Variants in CLYBL observed in about 807,000 individuals in gnomAD.
CLYBL encodes the protein citramalyl-CoA lyase.
In CLYBL, 31 loss-of-function variants were observed where a neutral mutation model predicts 38.9. The observed-to-expected ratio is 0.80, with a 90% confidence interval of 0.60 to 1.08. The LOEUF (loss-of-function observed/expected upper bound fraction) is 1.08. CLYBL is among the 50% of genes least tolerant of loss of function. The pLI, the probability that CLYBL is intolerant of heterozygous loss-of-function variation, is 0.00. For missense variants in CLYBL, 434 were observed against 411.6 expected (o/e 1.05, Z -0.47); for synonymous variants, 171 against 158.6 (o/e 1.08, Z -0.59).
At chr13:99,892,247 C>A (rs1373803666) in intron 8 of CLYBL, 196 bp from the exon 9 acceptor site, 1 of 152,198 alleles carries the variant, frequency 6.6e-6, no homozygotes, top group African/African-American at 2.4e-5. Flanking sequence ...TCAGAAGACA[C>A]AATGCACCCG....
chr13:99,866,210 C>A (rs773986870), intron 5 of CLYBL, 30 bp from the exon 6 acceptor site: 7 of 1,608,286 alleles, frequency 4.4e-6, no homozygotes, highest in Non-Finnish European at 5.9e-6. Context: ...AAGTTAAAGC[C>A]TCCTTTTTCT....
At position 99,779,832 on chromosome 13, in the gene CLYBL, G is replaced by T. The variant is rs574770559; in HGVS notation, c.249+6822G>T. ...TTGCTGAGCTCTAGCGTAGTGACAT[G>T]GTGGGTGGTTAGAGAAATGTGATGT... On this transcript the variant is annotated intron_variant, in intron 2 of 8. Coordinates refer to ENST00000339105, the MANE Select transcript of CLYBL (RefSeq NM_206808.5). Among the ~76,000 whole-genome samples, 3 of 152,232 alleles carry T rather than the reference G, an allele frequency of 2.0e-5. 1 individual carries two copies. In the South Asian group the frequency reaches 6.2e-4, roughly 32 times the overall value.
At chr13:99,757,396 C>G (rs1255964912) in intron 1 of CLYBL, among the ~76,000 whole-genome samples, 1 of 152,174 alleles carries the variant, frequency 6.6e-6, no homozygotes, top group Admixed American at 6.6e-5. Flanking sequence ...TTCGCTAGTG[C>G]AGCTGCCCTC....
intron 1 of CLYBL, among the ~76,000 whole-genome samples, chr13:99,695,910 T>C (rs990774134): frequency 1.3e-5 from 2 of 152,204 alleles, no homozygotes; most frequent in African/African-American, 4.8e-5. Context: ...ACCTTCCTAC[T>C]TCTGCAGTTT....
intron 1 of CLYBL, among the ~76,000 whole-genome samples, chr13:99,737,671 CT>C (rs2048689632): frequency 6.6e-6 from 1 of 152,180 alleles, no homozygotes. Context: ...ATGCTTTCCC[CT>C]CCTGAGCTCA....
chr13:99,700,849 C>G (rs1256293361), intron 1 of CLYBL, among the ~76,000 whole-genome samples: 2 of 152,218 alleles, frequency 1.3e-5, no homozygotes, highest in African/African-American at 4.8e-5. Flanking sequence ...TATATGCTGT[C>G]TCTCTGAACA....
At chr13:99,846,286 A>ATTTTTTT (rs5806139) in intron 2 of CLYBL, among the ~76,000 whole-genome samples, 2 of 108,148 alleles carry the variant, frequency 1.8e-5, no homozygotes, top group Non-Finnish European at 3.7e-5. Flanking sequence ...TTGTGTGGAG[A>ATTTTTTT]TTTTTTTTTT....
rs538659442 is a variant in CLYBL, at chr13:99,693,252, CCTT to C, written c.63-79567_63-79565del. Among the ~76,000 whole-genome samples, 321 of 152,212 alleles carry C rather than the reference CCTT, an allele frequency of 2.1e-3. 2 individuals carry two copies. The highest frequency in any genetic ancestry group is 7.2e-3 in the African/African-American group (297 of 41,530). On this transcript the variant is annotated intron_variant, in intron 1 of 8. Coordinates refer to ENST00000339105, the MANE Select transcript of CLYBL (RefSeq NM_206808.5). The stretch of plus-strand genomic sequence containing the variant: ...TTAAGTTTCTTGAGACAGGGATTAT[CCTT>C]CTTCATCTTTGTATCCCCCACAGTC...
intron 2 of CLYBL, among the ~76,000 whole-genome samples, chr13:99,817,674 GA>G (rs1372175434): frequency 3.2e-5 from 4 of 126,638 alleles, no homozygotes; most frequent in East Asian, 2.3e-4. Flanking sequence ...AAAAAAAAAA[GA>G]AAAGAAAAAA....
intron 1 of CLYBL, among the ~76,000 whole-genome samples, chr13:99,719,841 T>G (rs2048369816): frequency 1.3e-5 from 2 of 152,150 alleles, no homozygotes; most frequent in African/African-American, 4.8e-5. Context: ...CACCTTTTTA[T>G]TTTTTACTTT....
chr13:99,650,854 G>A (rs1381459824), intron 1 of CLYBL, among the ~76,000 whole-genome samples: 4 of 152,128 alleles, frequency 2.6e-5, no homozygotes, highest in Admixed American at 6.5e-5. Flanking sequence ...TCTCAACACT[G>A]AGGAATGAAG....
At position 99,637,962 on chromosome 13, in the gene CLYBL, C is replaced by CTTTTTTTTTTTTTTTT. The variant is rs34513643; in HGVS notation, c.62+31209_62+31224dup. Among the ~76,000 whole-genome samples, 7 of 95,002 alleles carry CTTTTTTTTTTTTTTTT rather than the reference C, an allele frequency of 7.4e-5. 1 individual carries two copies. Among genetic ancestry groups the CTTTTTTTTTTTTTTTT allele is most frequent in the East Asian group, 4.2e-4 (1 of 2,358 alleles). The allele number at this position is 95,002 out of a possible 152,430, so 62.3% of individuals were successfully genotyped here. A position where few individuals can be genotyped will look rare whatever the true frequency, so the allele number is the denominator to read the frequency against. ...ATCTAGTTATCCAAGTCAACAGTGC[C>CTTTTTTTTTTTTTTTT]TTTTTTTTTTTTTTTTTTTGAGACA... is the stretch of plus-strand genomic sequence containing the variant. On this transcript the variant is annotated intron_variant, in intron 1 of 8. Transcript: ENST00000339105.
At chr13:99,642,104 A>C (rs1401823745) in intron 1 of CLYBL, among the ~76,000 whole-genome samples, 1 of 152,216 alleles carries the variant, frequency 6.6e-6, no homozygotes, top group African/African-American at 2.4e-5. Flanking sequence ...AGACACAAGG[A>C]AAGAGGAATC....
At chr13:99,825,165 C>T (rs146845899) in intron 2 of CLYBL, among the ~76,000 whole-genome samples, 27 of 152,298 alleles carry the variant, frequency 1.8e-4, no homozygotes, top group Middle Eastern at 3.4e-3. Flanking sequence ...AGAGGCTGAG[C>T]TGCCCACTTA....
intron 7 of CLYBL, among the ~76,000 whole-genome samples, chr13:99,873,653 GGTATA>G (rs2051965264): frequency 7.0e-6 from 1 of 142,570 alleles, no homozygotes; most frequent in South Asian, 2.5e-4. Context: ...CAAACATAAA[GGTATA>G]GCTGAAGTTC....
intron 1 of CLYBL, among the ~76,000 whole-genome samples, chr13:99,735,495 AT>A (rs796468890): frequency 0.021 from 3,064 of 143,752 alleles, 89 homozygotes; most frequent in African/African-American, 0.067. Flanking sequence ...CACACCCAGC[AT>A]TTTTTTTTTT....
At chr13:99,650,427 A>T (rs983473960) in intron 1 of CLYBL, among the ~76,000 whole-genome samples, 2 of 152,192 alleles carry the variant, frequency 1.3e-5, no homozygotes, top group Non-Finnish European at 2.9e-5. Flanking sequence ...GTCTCAAAAA[A>T]AGAAGTTTTC....
At chr13:99,695,852 C>T (rs968929307) in intron 1 of CLYBL, among the ~76,000 whole-genome samples, 1 of 152,120 alleles carries the variant, frequency 6.6e-6, no homozygotes, top group Non-Finnish European at 1.5e-5. Context: ...GGGCAGGACA[C>T]CTGTCACATG....
intron 1 of CLYBL, among the ~76,000 whole-genome samples, chr13:99,751,638 G>A (rs1240907415): frequency 3.3e-5 from 5 of 152,216 alleles, no homozygotes; most frequent in African/African-American, 1.2e-4. Context: ...AAAGTCAAAT[G>A]GCGGTTGCCA....
Sources: allele counts gnomAD v4.1 joint callset (sites outside exome capture counted in the v4.1 genomes callset), GRCh38; gene constraint gnomAD v4.1.1; transcripts MANE v1.5; gene names NCBI Gene and HGNC (gene_info 2026-07-23, HGNC 2026-07-21).